The following DHRS12 variants were observed in gnomAD, a reference collection of about 807,000 sequenced individuals.
DHRS12 encodes the protein dehydrogenase/reductase 12.
In DHRS12, 29 loss-of-function variants were observed where a neutral mutation model predicts 32.1. The observed-to-expected ratio is 0.90, with a 90% CI of 0.67 to 1.23. The LOEUF (loss-of-function observed/expected upper bound fraction) is 1.23. Among genes scored for constraint, DHRS12 ranks in the 50% most tolerant of loss-of-function variants. The pLI is 0.00. For synonymous variants in DHRS12, 150 were observed against 135.9 expected (o/e 1.10, Z -0.72); for missense variants, 330 against 337.2 (o/e 0.98, Z 0.17).
the DHRS12 span, chr13:51,756,502 G>A: frequency 8.8e-6 from 14 of 1,593,486 alleles, no homozygotes; most frequent in South Asian, 3.4e-5. Flanking sequence ...AGGTTAAGGC[G>A]AGAATTTAAT....
chr13:51,801,899 G>A (rs954990103), intron 1 of DHRS12, among the ~76,000 whole-genome samples: 1 of 152,194 alleles, frequency 6.6e-6, no homozygotes, highest in African/African-American at 2.4e-5. Flanking sequence ...CCGTATTAGA[G>A]ACGAATGTTT....
At chr13:51,786,439 G>A (rs776344117) in intron 4 of DHRS12, among the ~76,000 whole-genome samples, 19 of 152,048 alleles carry the variant, frequency 1.2e-4, no homozygotes, top group Non-Finnish European at 1.9e-4. Context: ...CAGGCAAAAC[G>A]TATGTGACTG....
chr13:51,784,646 A>C (rs1333049581), intron 4 of DHRS12, among the ~76,000 whole-genome samples: 1 of 152,178 alleles, frequency 6.6e-6, no homozygotes, highest in Non-Finnish European at 1.5e-5. Context: ...AGATATTAGG[A>C]ACAAAACGAT....
chr13:51,786,279 G>A (rs936843956), intron 4 of DHRS12, among the ~76,000 whole-genome samples: 16 of 152,212 alleles, frequency 1.1e-4, no homozygotes, highest in Non-Finnish European at 1.8e-4. Context: ...TGTGTCCTGT[G>A]GTGAGAGAGG....
intron 4 of DHRS12, among the ~76,000 whole-genome samples, chr13:51,783,233 G>T (rs922900539): frequency 6.6e-6 from 1 of 152,074 alleles, no homozygotes; most frequent in Non-Finnish European, 1.5e-5. Flanking sequence ...TCTAGTGGTC[G>T]AGGGGAAATG....
intron 4 of DHRS12, among the ~76,000 whole-genome samples, chr13:51,786,117 C>T (rs915783154): frequency 6.6e-6 from 1 of 152,218 alleles, no homozygotes; most frequent in African/African-American, 2.4e-5. Flanking sequence ...CAAGCGACAA[C>T]ACTCTGTCTC....
At chr13:51,758,103 C>A in the DHRS12 span, 1 of 1,035,470 alleles carries the variant, frequency 9.7e-7, no homozygotes, top group South Asian at 2.4e-5. Context: ...AGCCACGAGG[C>A]CAAAATTTAG....
intron 7 of DHRS12, among the ~76,000 whole-genome samples, 164 bp from the exon 8 acceptor site, chr13:51,769,457 G>A (rs893351419): frequency 6.6e-6 from 1 of 151,932 alleles, no homozygotes; most frequent in East Asian, 1.9e-4. Flanking sequence ...CAGTTCCAAA[G>A]AACCTTGTTA....
chr13:51,799,336 T>TA (rs1955649500), intron 2 of DHRS12, among the ~76,000 whole-genome samples, 198 bp downstream of exon 2: 1 of 152,104 alleles, frequency 6.6e-6, no homozygotes, highest in Admixed American at 6.6e-5. Context: ...GAGAATTAAT[T>TA]AAGTGTTGAG....
chr13:51,759,398 T>C, the DHRS12 span, among the ~76,000 whole-genome samples: 1 of 152,198 alleles, frequency 6.6e-6, no homozygotes, highest in African/African-American at 2.4e-5. Context: ...CATCGAATGC[T>C]GCCTCAGATG....
At chr13:51,795,093 A>T (rs527874755) in intron 2 of DHRS12, among the ~76,000 whole-genome samples, 4 of 152,284 alleles carry the variant, frequency 2.6e-5, no homozygotes, top group African/African-American at 7.2e-5. Context: ...AGCGTGTACA[A>T]GCAGCTGAGA....
rs2296025 is a variant in DHRS12 at position 51,799,400 on chromosome 13, A to T, written c.126+134T>A. 187 of 1,328,026 alleles carry T rather than the reference A, an allele frequency of 1.4e-4. 1 individual carries two copies. In the East Asian group the frequency reaches 4.5e-3, roughly 32 times the overall value. 82.3% of individuals were successfully genotyped at this position (1,328,026 alleles called of 1,614,324 possible). On this transcript the variant is annotated intron_variant, in intron 2 of 8. Transcript: ENST00000444610. ...GGAGCTCAAAACTCAGAAAGCTGGC[A>T]GCTGTGCCCAGAACCATGGGATCGC...
intron 7 of DHRS12, chr13:51,771,025 A>C: frequency 1.4e-6 from 2 of 1,425,470 alleles, no homozygotes; most frequent in Non-Finnish European, 1.8e-6. Flanking sequence ...AGTGTGTGAG[A>C]GCCTGATTCC....
intron 6 of DHRS12, 85 bp from the exon 7 acceptor site, chr13:51,771,996 G>T: frequency 7.4e-7 from 1 of 1,348,940 alleles, no homozygotes; most frequent in Non-Finnish European, 1.0e-6. Flanking sequence ...GCCCAGCCTG[G>T]CTTATCTTAC....
chr13:51,759,948 G>A, the DHRS12 span: 6 of 579,412 alleles, frequency 1.0e-5, no homozygotes, highest in East Asian at 2.8e-5. Flanking sequence ...ACTCGCAAGG[G>A]GACTCTTCCA....
At chr13:51,803,798 T>G (rs2139505009) in intron 1 of DHRS12, 2 of 324,318 alleles carry the variant, frequency 6.2e-6, no homozygotes, top group East Asian at 1.0e-4. Context: ...GGGACGGCCC[T>G]GGGCTTGGGC....
At chr13:51,789,930 T>C (rs1955186582) in intron 4 of DHRS12, 81 bp downstream of exon 4, 1 of 1,462,004 alleles carries the variant, frequency 6.8e-7, no homozygotes, top group Non-Finnish European at 9.0e-7. Flanking sequence ...CCAAAAAAGT[T>C]GGTCAATTTT....
the DHRS12 span, chr13:51,759,713 T>C: frequency 1.2e-6 from 2 of 1,613,644 alleles, no homozygotes; most frequent in Middle Eastern, 1.7e-4. Flanking sequence ...TTTTAGTTCA[T>C]TCTGTATCTT....
chr13:51,796,205 G>C (rs1427922818), intron 2 of DHRS12, among the ~76,000 whole-genome samples: 3 of 152,130 alleles, frequency 2.0e-5, no homozygotes, highest in African/African-American at 7.2e-5. Context: ...TTTTGTGTGT[G>C]GGCTGCCTAC....
Sources: allele counts gnomAD v4.1 joint callset (sites outside exome capture counted in the v4.1 genomes callset), GRCh38; gene constraint gnomAD v4.1.1; transcripts MANE v1.5; gene names NCBI Gene and HGNC (gene_info 2026-07-23, HGNC 2026-07-21).